The following FER1L6 variants were observed in gnomAD, a reference collection of about 807,000 sequenced individuals.
FER1L6 encodes fer-1 like family member 6.
Under a neutral mutation model 219.2 loss-of-function variants are expected in FER1L6, and 177 were observed. The observed-to-expected ratio is 0.81, with a 90% CI of 0.71 to 0.91. The LOEUF (loss-of-function observed/expected upper bound fraction) is 0.91. FER1L6 is among the 40% of genes least tolerant of loss of function. The probability of loss-of-function intolerance (pLI) is 0.00; values close to 1 mark genes in which losing one functional copy is unlikely to be tolerated. For missense variants in FER1L6, 2,153 were observed against 2,259.9 expected, an observed-to-expected ratio of 0.95 and a Z score of 0.96; for synonymous variants, 768 against 824.3, an observed-to-expected ratio of 0.93 and a Z score of 1.17.
intron 1 of FER1L6, among the ~76,000 whole-genome samples, chr8:123,859,887 A>AT (rs948122410): frequency 2.0e-5 from 3 of 146,844 alleles, no homozygotes; most frequent in Non-Finnish European, 3.0e-5. Context: ...TGAACTCATC[A>AT]TTTTTTATGG....
intron 39 of FER1L6, among the ~76,000 whole-genome samples, chr8:124,104,079 C>T (rs988819211): frequency 8.5e-5 from 13 of 152,160 alleles, no homozygotes; most frequent in Non-Finnish European, 1.5e-4. Flanking sequence ...CCCCTAGTAC[C>T]TCACTGGGTA....
intron 39 of FER1L6, among the ~76,000 whole-genome samples, chr8:124,106,446 T>C (rs1367456265): frequency 1.3e-5 from 2 of 151,600 alleles, no homozygotes; most frequent in African/African-American, 4.9e-5. Context: ...AGTAGATGAA[T>C]GTGGATTGTT....
intron 12 of FER1L6, among the ~76,000 whole-genome samples, chr8:123,999,733 T>C (rs1167508775): frequency 6.6e-6 from 1 of 152,160 alleles, no homozygotes; most frequent in Non-Finnish European, 1.5e-5. Flanking sequence ...AATGTGGATC[T>C]TACAACTCTG....
At chr8:124,071,978 TA>T (rs1821095922) in intron 31 of FER1L6, among the ~76,000 whole-genome samples, 1 of 152,188 alleles carries the variant, frequency 6.6e-6, no homozygotes, top group South Asian at 2.1e-4. Flanking sequence ...ATTACCTCCC[TA>T]AAGCTGTGTC....
At chr8:123,952,395 T>C (rs1285343710) in intron 1 of FER1L6, among the ~76,000 whole-genome samples, 1 of 152,238 alleles carries the variant, frequency 6.6e-6, no homozygotes, top group Non-Finnish European at 1.5e-5. Context: ...AAATCTAACA[T>C]GTGCCTCATT....
intron 16 of FER1L6, among the ~76,000 whole-genome samples, chr8:124,020,483 AT>A (rs908304491): frequency 7.9e-5 from 12 of 152,264 alleles, no homozygotes; most frequent in Non-Finnish European, 1.5e-4. Flanking sequence ...CACTGTAAAT[AT>A]TTTTTTTTCC....
At chr8:123,969,905 A>G in intron 5 of FER1L6, 130 bp from the exon 6 acceptor site, 3 of 682,114 alleles carry the variant, frequency 4.4e-6, no homozygotes, top group East Asian at 2.6e-5. Context: ...ACAATTGACA[A>G]TCAATTGATG....
At position 124,119,936 on chromosome 8, in the gene FER1L6, T is replaced by C. The variant is rs1221771959; in HGVS notation, c.*146T>C. 1 of 813,174 alleles carries C rather than the reference T, an allele frequency of 1.2e-6. No individual in the cohort carries two copies. The highest frequency in any genetic ancestry group is 1.8e-6 in the Non-Finnish European group (1 of 548,190). 50.4% of individuals were successfully genotyped at this position (813,174 alleles called of 1,614,324 possible). A position where few individuals can be genotyped will look rare whatever the true frequency, so the allele number is the denominator to read the frequency against. On this transcript the variant is annotated 3_prime_UTR_variant, in exon 41 of 41. Transcript: ENST00000522917. Reference sequence around the variant, plus strand: ...TCTTGGAAGAGATGGAAAAGAAACATTTCCTCCCTGCTCCAACCCCTGCCT... The same window carrying C: ...TCTTGGAAGAGATGGAAAAGAAACACTTCCTCCCTGCTCCAACCCCTGCCT...
chr8:124,098,308 A>T (rs1165137984), intron 37 of FER1L6, among the ~76,000 whole-genome samples: 2 of 152,184 alleles, frequency 1.3e-5, no homozygotes, highest in Non-Finnish European at 2.9e-5. Flanking sequence ...ATACAACCTA[A>T]GACCCAGGGA....
At chr8:123,967,233 G>A (rs76902483) in intron 5 of FER1L6, among the ~76,000 whole-genome samples, 2,068 of 152,236 alleles carry the variant, frequency 0.014, 19 homozygotes, top group Non-Finnish European at 0.019. Context: ...AGGCATTTGC[G>A]TATCCTTCCA....
intron 1 of FER1L6, among the ~76,000 whole-genome samples, chr8:123,930,365 T>C (rs918586729): frequency 6.6e-6 from 1 of 151,936 alleles, no homozygotes; most frequent in Non-Finnish European, 1.5e-5. Context: ...TTTTGTCTCA[T>C]GTGTTCTTGG....
At chr8:124,097,225 CT>C (rs771662847) in intron 35 of FER1L6, 45 bp from the exon 36 acceptor site, 3 of 1,433,274 alleles carry the variant, frequency 2.1e-6, no homozygotes, top group South Asian at 1.2e-5. Flanking sequence ...CCCATGTCCC[CT>C]AGCCCCCTCC....
chr8:124,116,723 T>C (rs76661399), intron 39 of FER1L6, among the ~76,000 whole-genome samples: 76 of 152,350 alleles, frequency 5.0e-4, no homozygotes, highest in African/African-American at 1.8e-3. Flanking sequence ...AAGCTGACTC[T>C]ACTTCAAATT....
intron 18 of FER1L6, among the ~76,000 whole-genome samples, chr8:124,033,611 C>T (rs1457297405): frequency 6.6e-6 from 1 of 152,144 alleles, no homozygotes; most frequent in Admixed American, 6.6e-5. Flanking sequence ...CTCTGTCTAG[C>T]TCTTATGCTT....
rs529393176 is a variant in FER1L6 at position 123,928,243 on chromosome 8, GT to G, written c.-7-27743del. On this transcript the variant is annotated intron_variant, in intron 1 of 40. Coordinates refer to ENST00000522917, the MANE Select transcript of FER1L6 (RefSeq NM_001039112.2). Reference sequence around the variant, plus strand: ...TGTAGCCTGATGGCAAATTATTGAAGTTTTTTATTGGTAGAATGGACCTTTG... The same window carrying G: ...TGTAGCCTGATGGCAAATTATTGAAGTTTTTATTGGTAGAATGGACCTTTG... 4.4e-3 allele frequency among the ~76,000 whole-genome samples: 672 copies of G among 152,280 alleles called. 13 individuals are homozygous for G. Among genetic ancestry groups the G allele is most frequent in the Middle Eastern group, 6.8e-3 (2 of 294 alleles).
At position 124,119,871 on chromosome 8, in the gene FER1L6, C is replaced by A. The variant is rs746162798; in HGVS notation, c.*81C>A. On this transcript the variant is annotated 3_prime_UTR_variant, in exon 41 of 41. Transcript: ENST00000522917. ...GGAGCATCTAAGAACATGTCCCATG[C>A]ATGGCACTGTGCTGAGTGCTAAGGG... 6 of 1,435,972 alleles carry A rather than the reference C, an allele frequency of 4.2e-6. No homozygotes were observed. The highest frequency in any genetic ancestry group is 5.7e-6 in the Non-Finnish European group (6 of 1,045,670). The allele number at this position is 1,435,972 out of a possible 1,614,324, so 89.0% of individuals were successfully genotyped here.
At chr8:124,045,344 G>GATC (rs1298155248) in intron 20 of FER1L6, among the ~76,000 whole-genome samples, 1 of 152,170 alleles carries the variant, frequency 6.6e-6, no homozygotes, top group Non-Finnish European at 1.5e-5. Flanking sequence ...TCAGTTTCCT[G>GATC]ATCTGTAAAA....
Position 124,097,766 on chromosome 8 carries a change from C to T in FER1L6, c.4785-19C>T. On this transcript the variant is annotated intron_variant, in intron 36 of 40. Transcript: ENST00000522917. ...AGCTTTCAAGGTCATCGACCTAATG[C>T]TTCCTTCTCCCATCCCAGATACGAA... The T allele has an allele frequency of 7.4e-7, 1 of 1,352,150 alleles. No individual in the cohort carries two copies. Among genetic ancestry groups the T allele is most frequent in the South Asian group, 1.2e-5 (1 of 85,736 alleles). 83.8% of individuals were successfully genotyped at this position (1,352,150 alleles called of 1,614,324 possible). A position where few individuals can be genotyped will look rare whatever the true frequency, so the allele number is the denominator to read the frequency against.
chr8:123,970,449 A>G (rs1040704399), intron 6 of FER1L6, among the ~76,000 whole-genome samples: 3 of 151,678 alleles, frequency 2.0e-5, no homozygotes, highest in African/African-American at 7.3e-5. Flanking sequence ...AGGCAAATGT[A>G]GGTGTTTCTT....
Sources: gnomAD v4.1 joint callset for allele counts (sites outside exome capture counted in the v4.1 genomes callset) on GRCh38, gnomAD v4.1.1 for gene constraint, MANE v1.5 for transcripts, NCBI Gene and HGNC (gene_info 2026-07-23, HGNC 2026-07-21) for gene names.